The following NR3C1 variants were observed in gnomAD, a reference collection of about 807,000 sequenced individuals.
The protein encoded by NR3C1 is nuclear receptor subfamily 3 group C member 1.
A neutral mutation model predicts 74.0 loss-of-function variants in NR3C1; 14 were observed. The observed-to-expected ratio is 0.19, with a 90% confidence interval of 0.12 to 0.30. The LOEUF (loss-of-function observed/expected upper bound fraction) is 0.30. Among genes scored for constraint, NR3C1 ranks in the 10% least tolerant of loss-of-function variants. The pLI is 1.00. For missense variants in NR3C1, 695 were observed against 909.8 expected (o/e 0.76, Z 3.04); for synonymous variants, 308 against 332.5 (o/e 0.93, Z 0.80).
intron 1 of NR3C1, among the ~76,000 whole-genome samples, chr5:143,414,870 C>T: frequency 6.6e-6 from 1 of 152,134 alleles, no homozygotes; most frequent in Admixed American, 6.5e-5. Flanking sequence ...TAATGCTTAA[C>T]AAGCCTACAA....
At chr5:143,320,380 ACT>A (rs1337996107) in intron 2 of NR3C1, among the ~76,000 whole-genome samples, 1 of 152,106 alleles carries the variant, frequency 6.6e-6, no homozygotes, top group Non-Finnish European at 1.5e-5. Flanking sequence ...GTTCATCCAA[ACT>A]CTGCATCATT....
At chr5:143,335,419 A>C (rs1826936749) in intron 2 of NR3C1, among the ~76,000 whole-genome samples, 1 of 152,254 alleles carries the variant, frequency 6.6e-6, no homozygotes, top group East Asian at 1.9e-4. Context: ...GCTAGATAGA[A>C]TGAAAAGGTA....
chr5:143,331,029 G>C (rs1207515581), intron 2 of NR3C1, among the ~76,000 whole-genome samples: 1 of 152,118 alleles, frequency 6.6e-6, no homozygotes, highest in African/African-American at 2.4e-5. Flanking sequence ...CAAAGCTGGA[G>C]GCACCGTATT....
intron 2 of NR3C1, among the ~76,000 whole-genome samples, chr5:143,370,599 T>C (rs1303119384): frequency 6.6e-6 from 1 of 152,208 alleles, no homozygotes; most frequent in Non-Finnish European, 1.5e-5. Context: ...ACTTGTACAT[T>C]GTAGAATACC....
chr5:143,394,563 C>A (rs998981026), intron 2 of NR3C1, among the ~76,000 whole-genome samples: 1 of 151,908 alleles, frequency 6.6e-6, no homozygotes, highest in Non-Finnish European at 1.5e-5. Flanking sequence ...ATTAGATTTT[C>A]ATTTATTAAA....
At chr5:143,293,774 A>AT in intron 7 of NR3C1, 1 of 607,944 alleles carries the variant, frequency 1.6e-6, no homozygotes, top group Non-Finnish European at 2.1e-6. Context: ...TGATTCTATT[A>AT]TTTTTTAACA....
chr5:143,288,221 C>T (rs371760752), intron 7 of NR3C1, among the ~76,000 whole-genome samples: 20 of 151,234 alleles, frequency 1.3e-4, no homozygotes, highest in Non-Finnish European at 2.1e-4. Flanking sequence ...CAGATTCAAG[C>T]GATTCTCCTG....
At chr5:143,289,704 TAA>T (rs1180496067) in intron 7 of NR3C1, among the ~76,000 whole-genome samples, 10 of 152,134 alleles carry the variant, frequency 6.6e-5, no homozygotes, top group Non-Finnish European at 1.5e-5. Context: ...GGCAAAAGAT[TAA>T]AAGAGGCACA....
intron 7 of NR3C1, 70 bp from the exon 8 acceptor site, chr5:143,282,795 A>AGAT (rs1813426159): frequency 8.3e-7 from 1 of 1,205,348 alleles, no homozygotes; most frequent in Admixed American, 2.2e-5. Flanking sequence ...TTTTTTTTTG[A>AGAT]GATAGATAGG....
chr5:143,373,926 T>A (rs1381653263), intron 2 of NR3C1, among the ~76,000 whole-genome samples: 4 of 152,128 alleles, frequency 2.6e-5, no homozygotes, highest in African/African-American at 7.2e-5. Context: ...ATAAAAAAAA[T>A]TTAAAAAATA....
At chr5:143,433,422 T>TTATATA (rs527264357) in intron 1 of NR3C1, among the ~76,000 whole-genome samples, 1 of 137,472 alleles carries the variant, frequency 7.3e-6, no homozygotes, top group African/African-American at 2.9e-5. Context: ...TTTATTTAAA[T>TTATATA]TATATATATA....
upstream of NR3C1, chr5:143,403,724 C>T (rs936712065): frequency 1.4e-5 from 14 of 985,150 alleles, no homozygotes; most frequent in African/African-American, 7.0e-5. Flanking sequence ...CGCGCTCCCA[C>T]TCCACCCCCG....
chr5:143,372,492 C>T (rs1834395164), intron 2 of NR3C1, among the ~76,000 whole-genome samples: 1 of 152,190 alleles, frequency 6.6e-6, no homozygotes, highest in Non-Finnish European at 1.5e-5. Context: ...AAATTTAAAA[C>T]TCTTCGATTC....
exon 1 of NR3C1, chr5:143,435,306 A>G: frequency 1.0e-6 from 1 of 985,306 alleles, no homozygotes; most frequent in Non-Finnish European, 1.2e-6. Context: ...CTGACCTTCT[A>G]AGGTCCAGTG....
intron 2 of NR3C1, among the ~76,000 whole-genome samples, chr5:143,314,464 T>C (rs1342865079): frequency 1.3e-5 from 2 of 151,328 alleles, no homozygotes; most frequent in East Asian, 3.9e-4. Flanking sequence ...ATTTTTATAA[T>C]CACGTTTATT....
intron 2 of NR3C1, among the ~76,000 whole-genome samples, chr5:143,320,524 G>T (rs1309503326): frequency 2.0e-5 from 3 of 152,162 alleles, no homozygotes; most frequent in Non-Finnish European, 4.4e-5. Flanking sequence ...CTCTGGGCTT[G>T]GTTTCCCTGT....
At chr5:143,310,977 A>G (rs537247212) in intron 3 of NR3C1, among the ~76,000 whole-genome samples, 78 of 152,354 alleles carry the variant, frequency 5.1e-4, no homozygotes, top group Non-Finnish European at 9.1e-4. Flanking sequence ...TTTTAAACAA[A>G]TAATAGTTTG....
chr5:143,387,389 C>T (rs564317127), intron 2 of NR3C1, among the ~76,000 whole-genome samples: 1 of 152,286 alleles, frequency 6.6e-6, no homozygotes, highest in African/African-American at 2.4e-5. Flanking sequence ...GTTTTAAAGA[C>T]TGGTTTCAAG....
intron 1 of NR3C1, among the ~76,000 whole-genome samples, chr5:143,415,003 AATCGTT>A (rs1001880310): frequency 1.3e-5 from 2 of 152,198 alleles, no homozygotes; most frequent in African/African-American, 4.8e-5. Flanking sequence ...ATCCAAGAAA[AATCGTT>A]ATCTTTGTGT....
Sources: allele counts gnomAD v4.1 joint callset (sites outside exome capture counted in the v4.1 genomes callset), GRCh38; gene constraint gnomAD v4.1.1; transcripts MANE v1.5; gene names NCBI Gene and HGNC (gene_info 2026-07-23, HGNC 2026-07-21).